ZRANB3: variants seen among roughly 807,000 people sequenced by gnomAD.
ZRANB3 encodes zinc finger RANBP2-type containing 3.
In ZRANB3, 125 loss-of-function variants were observed where a neutral mutation model predicts 133.8. The ratio of observed to expected loss-of-function variants is 0.93; its 90% CI spans 0.81 to 1.08. The LOEUF (loss-of-function observed/expected upper bound fraction) is 1.08, where lower values mean the gene tolerates loss of function less well. ZRANB3 is among the 50% of genes least tolerant of loss of function. The pLI, the probability that ZRANB3 is intolerant of heterozygous loss-of-function variation, is 0.00. For missense variants in ZRANB3, 1,229 were observed against 1,275.5 expected (o/e 0.96, Z 0.56); for synonymous variants, 387 against 432.7 (o/e 0.89, Z 1.31).
At chr2:135,230,190 A>G (rs1025864651) in intron 13 of ZRANB3, among the ~76,000 whole-genome samples, 5 of 152,352 alleles carry the variant, frequency 3.3e-5, no homozygotes, top group Middle Eastern at 3.4e-3. Flanking sequence ...AGTATAAGGC[A>G]TATTTGCTAC....
At chr2:135,500,835 A>C (rs1470421999) in intron 2 of ZRANB3, among the ~76,000 whole-genome samples, 1 of 152,008 alleles carries the variant, frequency 6.6e-6, no homozygotes, top group Non-Finnish European at 1.5e-5. Context: ...CCGGTTGTGA[A>C]TTCTATGAGA....
chr2:135,491,220 T>C (rs111453383), intron 2 of ZRANB3, among the ~76,000 whole-genome samples: 4 of 152,192 alleles, frequency 2.6e-5, no homozygotes, highest in Non-Finnish European at 1.5e-5. Context: ...TTAAATAATC[T>C]GGTTTACAGA....
intron 2 of ZRANB3, among the ~76,000 whole-genome samples, chr2:135,448,254 C>T (rs1056641134): frequency 6.6e-6 from 1 of 152,160 alleles, no homozygotes; most frequent in African/African-American, 2.4e-5. Flanking sequence ...ACAAAGATTT[C>T]CTGCGCTCTC....
At chr2:135,266,141 G>A (rs1024275811) in intron 11 of ZRANB3, among the ~76,000 whole-genome samples, 2 of 151,930 alleles carry the variant, frequency 1.3e-5, no homozygotes, top group African/African-American at 4.8e-5. Context: ...CTCAGGAGGC[G>A]GAGGTTGCAG....
chr2:135,370,890 G>GA (rs1350020262), intron 3 of ZRANB3, among the ~76,000 whole-genome samples: 1 of 152,188 alleles, frequency 6.6e-6, no homozygotes, highest in African/African-American at 2.4e-5. Flanking sequence ...GATAATGAGT[G>GA]AATCTCATGA....
At chr2:135,445,875 CAAA>C (rs60336414) in intron 2 of ZRANB3, among the ~76,000 whole-genome samples, 18 of 95,694 alleles carry the variant, frequency 1.9e-4, no homozygotes, top group Non-Finnish European at 2.7e-4. Context: ...GACTCCATCT[CAAA>C]AAAAAAAAAA....
At chr2:135,340,485 C>A (rs1209654769) in intron 6 of ZRANB3, among the ~76,000 whole-genome samples, 1 of 151,974 alleles carries the variant, frequency 6.6e-6, no homozygotes. Flanking sequence ...CATTTAGAAT[C>A]AATTTTCTGG....
At chr2:135,427,468 A>G (rs1040812300) in intron 2 of ZRANB3, among the ~76,000 whole-genome samples, 1 of 152,218 alleles carries the variant, frequency 6.6e-6, no homozygotes, top group Non-Finnish European at 1.5e-5. Flanking sequence ...CACAACAGCC[A>G]CAAGAAGAAT....
chr2:135,395,085 A>C (rs1032326120), intron 2 of ZRANB3, among the ~76,000 whole-genome samples: 21 of 152,190 alleles, frequency 1.4e-4, no homozygotes. Context: ...GAGGAATCAC[A>C]TTATCTGACT....
intron 2 of ZRANB3, among the ~76,000 whole-genome samples, chr2:135,405,622 C>A (rs1574051082): frequency 6.6e-6 from 1 of 152,212 alleles, no homozygotes; most frequent in Admixed American, 6.5e-5. Flanking sequence ...CAAACTCTCT[C>A]TCAGACCACA....
chr2:135,531,153 T>G lies in ZRANB3; in HGVS notation c.-34A>C, dbSNP rs948596595. The G allele has an allele frequency of 1.3e-5, 2 of 152,100 alleles. No individual in the cohort carries two copies. Among genetic ancestry groups the G allele is most frequent in the African/African-American group, 4.8e-5 (2 of 41,394 alleles). The allele number at this position is 152,100 out of a possible 1,614,324, so 9.4% of individuals were successfully genotyped here. On this transcript the variant is annotated 5_prime_UTR_variant, in exon 1 of 21. Transcript: ENST00000264159. ...TCGAGTCAGTAAAAACTCACGAAAC[T>G]CCGCACCTCAGGCTCCAACTCGTGG...
At chr2:135,279,597 T>G (rs940258462) in intron 8 of ZRANB3, among the ~76,000 whole-genome samples, 1 of 152,194 alleles carries the variant, frequency 6.6e-6, no homozygotes, top group Non-Finnish European at 1.5e-5. Flanking sequence ...ATATAATTGC[T>G]AAACCTCTAG....
At chr2:135,274,488 A>C (rs1196530651) in intron 9 of ZRANB3, among the ~76,000 whole-genome samples, 1 of 152,238 alleles carries the variant, frequency 6.6e-6, no homozygotes, top group African/African-American at 2.4e-5. Flanking sequence ...GTAAATAAAA[A>C]GTCTAACGTT....
intron 1 of ZRANB3, among the ~76,000 whole-genome samples, chr2:135,524,155 C>T (rs868324612): frequency 1.3e-5 from 2 of 151,958 alleles, no homozygotes; most frequent in South Asian, 4.2e-4. Context: ...GGCACAATCT[C>T]GGGTCACTGC....
intron 8 of ZRANB3, among the ~76,000 whole-genome samples, chr2:135,294,412 G>T (rs1681925513): frequency 6.6e-6 from 1 of 152,126 alleles, no homozygotes; most frequent in Admixed American, 6.5e-5. Flanking sequence ...TCTGATGGTG[G>T]TTTGTATTTC....
chr2:135,242,799 T>C (rs527715582), intron 12 of ZRANB3, among the ~76,000 whole-genome samples: 1 of 152,252 alleles, frequency 6.6e-6, no homozygotes, highest in Non-Finnish European at 1.5e-5. Context: ...CTTATTTAAT[T>C]ATTAATTTCT....
chr2:135,248,186 C>T (rs976849109), intron 12 of ZRANB3, among the ~76,000 whole-genome samples: 3 of 152,212 alleles, frequency 2.0e-5, no homozygotes, highest in African/African-American at 7.2e-5. Context: ...ACTGGCCAGA[C>T]TGTTACATGG....
rs767080718 is a variant in ZRANB3 at position 135,313,625 on chromosome 2, ACT to A, written c.850-22_850-21del. 3 of 1,489,100 alleles carry A rather than the reference ACT, an allele frequency of 2.0e-6. No homozygotes were observed. Among genetic ancestry groups the A allele is most frequent in the East Asian group, 2.3e-5 (1 of 44,218 alleles). The allele number at this position is 1,489,100 out of a possible 1,614,324, so 92.2% of individuals were successfully genotyped here. A position where few individuals can be genotyped will look rare whatever the true frequency, so the allele number is the denominator to read the frequency against. Reference sequence around the variant, plus strand: ...CAATTCCTATGTGGGAAAAAATAACACTGTTTATGAATATAGCATAACGAACA... The same window carrying A: ...CAATTCCTATGTGGGAAAAAATAACAGTTTATGAATATAGCATAACGAACA... On this transcript the variant is annotated intron_variant, in intron 7 of 20. Transcript: ENST00000264159.
At chr2:135,497,025 T>C (rs1395245288) in intron 2 of ZRANB3, among the ~76,000 whole-genome samples, 1 of 152,142 alleles carries the variant, frequency 6.6e-6, no homozygotes, top group Non-Finnish European at 1.5e-5. Context: ...AGCTTGAATA[T>C]GGCTAAATAC....
Sources: gnomAD v4.1 joint callset for allele counts (sites outside exome capture counted in the v4.1 genomes callset) on GRCh38, gnomAD v4.1.1 for gene constraint, MANE v1.5 for transcripts, NCBI Gene and HGNC (gene_info 2026-07-23, HGNC 2026-07-21) for gene names.